The following CAND2 variants were observed in gnomAD, a reference collection of about 807,000 sequenced individuals.
CAND2 encodes the protein cullin associated and neddylation dissociated 2 (putative), also known as cullin-associated NEDD8-dissociated protein 2.
A neutral mutation model predicts 98.9 loss-of-function variants in CAND2; 62 were observed. The observed-to-expected ratio is 0.63, with a 90% CI of 0.51 to 0.77. The LOEUF (loss-of-function observed/expected upper bound fraction) is 0.77. Ranked by LOEUF, CAND2 falls within the 30% of genes least tolerant of loss-of-function variation. The pLI is 0.00. For synonymous variants in CAND2, 770 were observed against 731.9 expected (o/e 1.05, Z -0.84); for missense variants, 1,501 against 1,655.2 (o/e 0.91, Z 1.62).
intron 13 of CAND2, among the ~76,000 whole-genome samples, chr3:12,828,901 T>G (rs1016808273): frequency 6.6e-6 from 1 of 152,226 alleles, no homozygotes; most frequent in African/African-American, 2.4e-5. Flanking sequence ...CATGTCAGAA[T>G]TTCCCAGTGT....
At position 12,823,598 on chromosome 3, in the gene CAND2, G is replaced by A. The variant is rs1477385492; in HGVS notation, c.3041-1872G>A. Reference sequence around the variant, plus strand: ...AAAAAAATTAGCCGGGCATGCTGGCGGGCGCCTGTAGTCCCAGCTACTCAG... The same window carrying A: ...AAAAAAATTAGCCGGGCATGCTGGCAGGCGCCTGTAGTCCCAGCTACTCAG... On this transcript the variant is annotated intron_variant, in intron 11 of 14. Transcript: ENST00000456430. Among the ~76,000 whole-genome samples, 13 of 152,286 alleles carry A rather than the reference G, an allele frequency of 8.5e-5. No homozygotes were observed. In the East Asian group the frequency reaches 2.3e-3, roughly 27 times the overall value.
At position 12,810,325 on chromosome 3, in the gene CAND2, G is replaced by T. The variant is rs1326220221; in HGVS notation, c.757+1G>T. On this transcript the variant is annotated splice_donor_variant, in intron 5 of 14. Coordinates refer to ENST00000456430, the MANE Select transcript of CAND2 (RefSeq NM_001162499.2). LOFTEE classifies it high-confidence loss of function. ...GGCCGCCAGGCCGGCCACCGCCTCG[G>T]TAAGGGGGCAGGGGGCGGGGCCTGG... The T allele has an allele frequency of 6.9e-7, 1 of 1,452,480 alleles. No individual in the cohort carries two copies. The highest frequency in any genetic ancestry group is 9.1e-7 in the Non-Finnish European group (1 of 1,103,296). 90.0% of individuals were successfully genotyped at this position (1,452,480 alleles called of 1,614,324 possible).
At chr3:12,826,826 T>C (rs1441952260) in intron 12 of CAND2, among the ~76,000 whole-genome samples, 1 of 149,838 alleles carries the variant, frequency 6.7e-6, no homozygotes, top group East Asian at 2.0e-4. Flanking sequence ...ATCAGTAACA[T>C]TTACTTTTTT....
intron 14 of CAND2, chr3:12,832,117 G>T (rs1157093712): frequency 6.6e-6 from 1 of 152,180 alleles, no homozygotes; most frequent in Non-Finnish European, 1.5e-5. Flanking sequence ...AATACATTTG[G>T]GTTTTTTAAG....
At chr3:12,820,289 A>C (rs563920698) in intron 11 of CAND2, 108 bp downstream of exon 11, 8 of 779,106 alleles carry the variant, frequency 1.0e-5, no homozygotes, top group Non-Finnish European at 1.6e-5. Context: ...GAGACCCGGG[A>C]GGTGTGCCCA....
At chr3:12,820,228 C>T in intron 11 of CAND2, 47 bp downstream of exon 11, 1 of 1,422,190 alleles carries the variant, frequency 7.0e-7, no homozygotes, top group South Asian at 1.2e-5. Flanking sequence ...TGCCCCCACC[C>T]AGTCCTTGAG....
In CAND2 at chr3:12,816,721, C is replaced by T. The variant is rs2061906779; in HGVS notation, c.1789C>T (p.His597Tyr). The T allele has an allele frequency of 2.5e-6, 4 of 1,613,694 alleles. No homozygotes were observed. In the East Asian group the frequency reaches 6.7e-5, roughly 27 times the overall value. ...VKERAISCMG[H>Y]LVGHLGDRLG... Reference sequence around the variant, plus strand: ...GGAGCGGGCCATTTCCTGCATGGGCCACCTTGTAGGCCACCTGGGTGACCG... The same window carrying T: ...GGAGCGGGCCATTTCCTGCATGGGCTACCTTGTAGGCCACCTGGGTGACCG... Residue 597 changes from histidine to tyrosine, a missense_variant, in exon 10 of 15, where the codon CAC becomes TAC. Physicochemically the swap from His to Tyr is moderately conservative, Grantham distance 83. Transcript: ENST00000456430.
chr3:12,797,902 C>G (rs546509085), intron 1 of CAND2, among the ~76,000 whole-genome samples: 1 of 152,200 alleles, frequency 6.6e-6, no homozygotes, highest in African/African-American at 2.4e-5. Flanking sequence ...GGTCTGACTC[C>G]TACTCTTCTC....
intron 10 of CAND2, among the ~76,000 whole-genome samples, chr3:12,819,862 T>G (rs1427207627): frequency 6.6e-6 from 1 of 152,164 alleles, no homozygotes; most frequent in African/African-American, 2.4e-5. Flanking sequence ...GCCTGTGGTG[T>G]TACCTGAGCA....
intron 5 of CAND2, among the ~76,000 whole-genome samples, chr3:12,811,511 A>G (rs2061851529): frequency 6.6e-6 from 1 of 152,194 alleles, no homozygotes; most frequent in East Asian, 1.9e-4. Context: ...GGACATGAAT[A>G]ATGGTTTTGA....
chr3:12,825,317 T>C (rs1442546764), intron 11 of CAND2, among the ~76,000 whole-genome samples, 153 bp from the exon 12 acceptor site: 1 of 152,168 alleles, frequency 6.6e-6, no homozygotes, highest in Non-Finnish European at 1.5e-5. Flanking sequence ...AAGGGTTGTT[T>C]GTGCCTGGCA....
chr3:12,804,196 G>A (rs1347486937), intron 2 of CAND2, among the ~76,000 whole-genome samples: 5 of 152,126 alleles, frequency 3.3e-5, no homozygotes. Flanking sequence ...GCTCATGCCT[G>A]TAATCCCAGC....
At position 12,820,156 on chromosome 3, in the gene CAND2, T is replaced by C. The variant is rs970316531; in HGVS notation, c.3015T>C (p.Ile1005=). The C allele has an allele frequency of 2.5e-6, 4 of 1,614,158 alleles. No homozygotes were observed. In the South Asian group the frequency reaches 3.3e-5, roughly 13 times the overall value. The change falls in exon 11 of 15, where the codon ATT becomes ATC. Residue 1005 remains isoleucine, a synonymous_variant. Coordinates refer to ENST00000456430, the MANE Select transcript of CAND2 (RefSeq NM_001162499.2). Reference sequence around the variant, plus strand: ...TTATCTCGGACCAGCCCCATCCCATTGACCCCCTCCTGAAGAGCTTCATCG... The same window carrying C: ...TTATCTCGGACCAGCCCCATCCCATCGACCCCCTCCTGAAGAGCTTCATCG... ...KFLISDQPHP[I]DPLLKSFIGE...
At chr3:12,822,423 G>C (rs545879225) in intron 11 of CAND2, among the ~76,000 whole-genome samples, 16 of 151,192 alleles carry the variant, frequency 1.1e-4, no homozygotes, top group Non-Finnish European at 2.4e-4. Flanking sequence ...CTCCCAAGTA[G>C]CTGGGATTAC....
Position 12,834,192 on chromosome 3 carries a change from C to A in CAND2, c.*210C>A. 1 of 588,728 alleles carries A rather than the reference C, an allele frequency of 1.7e-6. No homozygotes were observed. Among genetic ancestry groups the A allele is most frequent in the Non-Finnish European group, 3.0e-6 (1 of 330,278 alleles). The allele number at this position is 588,728 out of a possible 1,614,324, so 36.5% of individuals were successfully genotyped here. On this transcript the variant is annotated 3_prime_UTR_variant, in exon 15 of 15. Coordinates refer to ENST00000456430, the MANE Select transcript of CAND2 (RefSeq NM_001162499.2). ...AGCTGTGAGGCTGCCAACAGTTGGG[C>A]CCCTTCCTTAACTCAGGACAGTCAT... is the stretch of plus-strand genomic sequence containing the variant.
intron 1 of CAND2, among the ~76,000 whole-genome samples, chr3:12,798,755 C>T (rs990556887): frequency 6.6e-6 from 1 of 152,148 alleles, no homozygotes; most frequent in Admixed American, 6.6e-5. Context: ...CACTTAAAAC[C>T]ACCCCAAGCA....
At chr3:12,812,604 C>T (rs997959199) in intron 5 of CAND2, among the ~76,000 whole-genome samples, 1 of 151,906 alleles carries the variant, frequency 6.6e-6, no homozygotes, top group East Asian at 1.9e-4. Context: ...CGGGGTTTCA[C>T]CTTGTTAGCC....
chr3:12,803,248 T>C (rs906810843), intron 1 of CAND2, among the ~76,000 whole-genome samples: 1 of 152,160 alleles, frequency 6.6e-6, no homozygotes, highest in Non-Finnish European at 1.5e-5. Context: ...CACCTCGGCC[T>C]CCCAAAGTGC....
At chr3:12,814,455 A>C (rs919188353) in intron 7 of CAND2, among the ~76,000 whole-genome samples, 6 of 152,042 alleles carry the variant, frequency 3.9e-5, no homozygotes, top group Non-Finnish European at 8.8e-5. Flanking sequence ...CAGTACCTTC[A>C]CTTTTGAGGT....
Sources: allele counts gnomAD v4.1 joint callset (sites outside exome capture counted in the v4.1 genomes callset), GRCh38; gene constraint gnomAD v4.1.1; transcripts MANE v1.5; gene names NCBI Gene and HGNC (gene_info 2026-07-23, HGNC 2026-07-21).